The following PRTG variants were observed in gnomAD, a reference collection of about 807,000 sequenced individuals.
PRTG encodes the protein immunoglobulin superfamily, DCC subclass, member 5.
A neutral mutation model predicts 122.5 loss-of-function variants in PRTG; 67 were observed. The observed-to-expected ratio is 0.55, with a 90% CI of 0.45 to 0.67. The LOEUF is 0.67. Among genes scored for constraint, PRTG ranks in the 30% least tolerant of loss-of-function variants. The pLI is 0.00. For missense variants in PRTG, 1,435 were observed against 1,415.4 expected, an observed-to-expected ratio of 1.01 and a Z score of -0.22; for synonymous variants, 554 against 501.1, an observed-to-expected ratio of 1.11 and a Z score of -1.41.
chr15:55,628,282 G>T (rs1251554961), intron 16 of PRTG, among the ~76,000 whole-genome samples: 1 of 152,020 alleles, frequency 6.6e-6, no homozygotes, highest in African/African-American at 2.4e-5. Flanking sequence ...CTGTGCTACA[G>T]GGGGCACCAG....
chr15:55,740,480 C>A lies in PRTG; in HGVS notation c.299G>T (p.Gly100Val). Residue 100 changes from glycine to valine, a missense_variant, in exon 2 of 20, where the codon GGC becomes GTC. Transcript: ENST00000389286. ...TTCATCGGACTGCTCTCCTCGCCTGCCTTCCACCTCACTGATGTATAAAGA... is the reference window on the plus strand; with the variant it reads ...TTCATCGGACTGCTCTCCTCGCCTGACTTCCACCTCACTGATGTATAAAGA... ...NGSLYISEVE[G>V]RRGEQSDEGF... is the part of the protein sequence containing the mutation. The A allele has an allele frequency of 6.2e-7, 1 of 1,614,176 alleles. No individual in the cohort carries two copies. The highest frequency in any genetic ancestry group is 1.1e-5 in the South Asian group (1 of 91,080).
intron 2 of PRTG, among the ~76,000 whole-genome samples, chr15:55,689,469 T>C (rs1008625537): frequency 2.0e-5 from 3 of 151,772 alleles, no homozygotes; most frequent in African/African-American, 7.3e-5. Flanking sequence ...TAGTGAGCGT[T>C]TGCAAAAAAA....
chr15:55,612,729 T>TAC lies in PRTG; in HGVS notation c.*7282_*7283insGT, dbSNP rs2059126207. The TAC allele has an allele frequency of 1.2e-5, 1 of 82,636 alleles. No homozygotes were observed. The highest frequency in any genetic ancestry group is 3.9e-5 in the African/African-American group (1 of 25,520). 5.1% of individuals were successfully genotyped at this position (82,636 alleles called of 1,614,324 possible). ...ATATATATATATATATATATATATATATATATATATATATATATATGACTT... is the reference window on the plus strand; with the variant it reads ...ATATATATATATATATATATATATATACATATATATATATATATATATGACTT... On this transcript the variant is annotated 3_prime_UTR_variant, in exon 20 of 20. Transcript: ENST00000389286.
chr15:55,692,344 G>A (rs1348449554), intron 2 of PRTG, among the ~76,000 whole-genome samples: 3 of 152,146 alleles, frequency 2.0e-5, no homozygotes, highest in Non-Finnish European at 4.4e-5. Flanking sequence ...GATGGCAGAA[G>A]TAACAGGAAC....
chr15:55,649,977 T>C (rs1257050687), intron 11 of PRTG, among the ~76,000 whole-genome samples: 1 of 152,176 alleles, frequency 6.6e-6, no homozygotes, highest in Non-Finnish European at 1.5e-5. Context: ...TCGTCATCTA[T>C]AAAATGTGGA....
At chr15:55,672,719 G>A in intron 10 of PRTG, 86 bp from the exon 11 acceptor site, 3 of 974,414 alleles carry the variant, frequency 3.1e-6, no homozygotes, top group Non-Finnish European at 4.3e-6. Flanking sequence ...TCAGTTTTAA[G>A]CAAACAATTA....
chr15:55,742,980 C>T lies in PRTG; in HGVS notation c.-49G>A, dbSNP rs1467260779. On this transcript the variant is annotated 5_prime_UTR_variant, in exon 1 of 20. Transcript: ENST00000389286. ...TCCCCGGCCGCCCAGAGCCCCTGTC[C>T]GTCTGCGGCCCCCGCCCCGGGCGCT... 8.5e-6 allele frequency: 12 copies of T among 1,405,144 alleles called. No individual in the cohort carries two copies. In the East Asian group the frequency reaches 3.1e-4, roughly 36 times the overall value. The allele number at this position is 1,405,144 out of a possible 1,614,324, so 87.0% of individuals were successfully genotyped here.
chr15:55,625,783 C>G (rs2059191471), intron 17 of PRTG, among the ~76,000 whole-genome samples: 1 of 152,006 alleles, frequency 6.6e-6, no homozygotes, highest in Non-Finnish European at 1.5e-5. Context: ...ACCACCACAC[C>G]CAGCTAATTT....
intron 11 of PRTG, among the ~76,000 whole-genome samples, chr15:55,666,309 T>C (rs1237731735): frequency 6.6e-6 from 1 of 152,246 alleles, no homozygotes; most frequent in South Asian, 2.1e-4. Context: ...CTCACTCTTA[T>C]GACCTCATTT....
intron 11 of PRTG, chr15:55,655,850 A>G (rs951918851): frequency 6.6e-6 from 1 of 152,246 alleles, no homozygotes; most frequent in African/African-American, 2.4e-5. Flanking sequence ...AATCATTGTA[A>G]AACCATTATC....
Position 55,637,335 on chromosome 15 carries a change from C to A in PRTG, c.2458G>T (p.Ala820Ser). The part of the protein sequence containing the change: ...VYHSTLPEAP[A>S]GPPVGVKVTL... Reference sequence around the variant, plus strand: ...ACTTTTACTCCAACTGGTGGGCCTGCTGGTGCTGTGCAGACACAACAAAAC... The same window carrying A: ...ACTTTTACTCCAACTGGTGGGCCTGATGGTGCTGTGCAGACACAACAAAAC... Residue 820 changes from alanine (A) to serine (S), a missense_variant, in exon 15 of 20, where the codon GCA becomes TCA. Ala to Ser is a moderately conservative substitution (Grantham distance 99, BLOSUM62 1). Transcript: ENST00000389286. The A allele has an allele frequency of 6.2e-7, 1 of 1,611,128 alleles. No individual in the cohort carries two copies.
intron 2 of PRTG, chr15:55,738,430 T>C: frequency 2.9e-6 from 2 of 697,612 alleles, no homozygotes; most frequent in Non-Finnish European, 5.2e-6. Context: ...CTGGAAACAA[T>C]GTGTGGTCAT....
In PRTG at chr15:55,702,453, A is replaced by T. The variant is rs149601382; in HGVS notation, c.398-18522T>A. Among the ~76,000 whole-genome samples, 782 of 152,352 alleles carry T rather than the reference A, an allele frequency of 5.1e-3. 2 individuals carry two copies. Among genetic ancestry groups the T allele is most frequent in the Middle Eastern group, 0.034 (10 of 294 alleles). ...CAATAGACATCTGATAAACACACAA[A>T]TAAAATTTGTCCTAGAGTATGTATG... On this transcript the variant is annotated intron_variant, in intron 2 of 19. Coordinates refer to ENST00000389286, the MANE Select transcript of PRTG (RefSeq NM_173814.6).
At chr15:55,683,319 T>G (rs1021932916) in intron 3 of PRTG, among the ~76,000 whole-genome samples, 1 of 152,114 alleles carries the variant, frequency 6.6e-6, no homozygotes, top group Non-Finnish European at 1.5e-5. Context: ...GTTCTTGATT[T>G]TTCAATCCCA....
At chr15:55,665,297 T>C (rs2059433093) in intron 11 of PRTG, among the ~76,000 whole-genome samples, 1 of 151,754 alleles carries the variant, frequency 6.6e-6, no homozygotes, top group African/African-American at 2.4e-5. Context: ...ATAAACCTAA[T>C]GTCAAAATTC....
At chr15:55,653,256 GTAGA>G (rs767004194) in intron 11 of PRTG, among the ~76,000 whole-genome samples, 95 of 152,166 alleles carry the variant, frequency 6.2e-4, no homozygotes, top group Non-Finnish European at 1.2e-3. Flanking sequence ...AAGCTGACCA[GTAGA>G]GTACTTGTCT....
At chr15:55,627,178 T>A in intron 16 of PRTG, 50 bp from the exon 17 acceptor site, 3 of 1,391,258 alleles carry the variant, frequency 2.2e-6, no homozygotes, top group Non-Finnish European at 2.9e-6. Context: ...AATAAATTAT[T>A]TAATTTATAA....
chr15:55,702,274 G>A lies in PRTG; in HGVS notation c.398-18343C>T, dbSNP rs114234490. ...ATAAAGTTAGTCCTGATTTTCCCAA[G>A]TAGAACTAGAGACCCCTTTAATATT... On this transcript the variant is annotated intron_variant, in intron 2 of 19. Coordinates refer to ENST00000389286, the MANE Select transcript of PRTG (RefSeq NM_173814.6). Among the ~76,000 whole-genome samples, 642 of 152,254 alleles carry A rather than the reference G, an allele frequency of 4.2e-3. 8 individuals are homozygous for A. Among genetic ancestry groups the A allele is most frequent in the African/African-American group, 0.015 (625 of 41,534 alleles).
chr15:55,673,882 A>G (rs1221622474), intron 9 of PRTG, among the ~76,000 whole-genome samples: 1 of 152,226 alleles, frequency 6.6e-6, no homozygotes, highest in Non-Finnish European at 1.5e-5. Flanking sequence ...GAAACAAAGA[A>G]TATAAGATAT....
Sources: gnomAD v4.1 joint callset for allele counts (sites outside exome capture counted in the v4.1 genomes callset) on GRCh38, gnomAD v4.1.1 for gene constraint, MANE v1.5 for transcripts, NCBI Gene and HGNC (gene_info 2026-07-23, HGNC 2026-07-21) for gene names.